Variants in EIF2A observed in about 807,000 individuals in gnomAD.
The protein encoded by EIF2A is eukaryotic translation initiation factor 2A, also known as 65 kDa eukaryotic translation initiation factor 2A.
Under a neutral mutation model 75.2 loss-of-function variants are expected in EIF2A, and 62 were observed. The ratio of observed to expected loss-of-function variants is 0.82; its 90% CI spans 0.67 to 1.02. The LOEUF is 1.02. Ranked by LOEUF, EIF2A falls within the 50% of genes least tolerant of loss-of-function variation. The pLI is 0.00. For synonymous variants in EIF2A, 207 were observed against 239.0 expected, an observed-to-expected ratio of 0.87 and a Z score of 1.23; for missense variants, 611 against 677.7, an observed-to-expected ratio of 0.90 and a Z score of 1.09.
intron 10 of EIF2A, among the ~76,000 whole-genome samples, chr3:150,573,275 CAG>C (rs1323754586): frequency 6.6e-6 from 1 of 152,080 alleles, no homozygotes; most frequent in Non-Finnish European, 1.5e-5. Flanking sequence ...TTTTTTGAGA[CAG>C]AGTCTCACTC....
At chr3:150,563,678 A>G in intron 5 of EIF2A, 64 bp downstream of exon 5, 1 of 1,198,326 alleles carries the variant, frequency 8.3e-7, no homozygotes, top group Non-Finnish European at 1.1e-6. Context: ...ACTGTATAAT[A>G]TTTGTTTTCC....
intron 2 of EIF2A, among the ~76,000 whole-genome samples, chr3:150,555,643 C>T (rs925627629): frequency 2.0e-5 from 3 of 151,106 alleles, no homozygotes; most frequent in Non-Finnish European, 4.4e-5. Context: ...AATCCCAGCG[C>T]TTTGGGAGGC....
intron 9 of EIF2A, among the ~76,000 whole-genome samples, chr3:150,570,892 C>A (rs1724474883): frequency 6.6e-6 from 1 of 151,606 alleles, no homozygotes; most frequent in African/African-American, 2.4e-5. Context: ...CATGGCGAAA[C>A]CCCATCTCTA....
Position 150,585,819 on chromosome 3 carries a change from G to A in EIF2A, c.*1908G>A, listed in dbSNP as rs897128112. ...ATGAGGTGAAGAGGTTGGGGACTTCGTGATGGGATTATTGTCCTTACAAGA... is the reference window on the plus strand; with the variant it reads ...ATGAGGTGAAGAGGTTGGGGACTTCATGATGGGATTATTGTCCTTACAAGA... On this transcript the variant is annotated 3_prime_UTR_variant, in exon 14 of 14. Coordinates refer to ENST00000460851, the MANE Select transcript of EIF2A (RefSeq NM_032025.5). Among the ~76,000 whole-genome samples, 28 of 152,108 alleles carry A rather than the reference G, an allele frequency of 1.8e-4. No homozygotes were observed. The highest frequency in any genetic ancestry group is 5.6e-4 in the African/African-American group (23 of 41,398).
intron 9 of EIF2A, among the ~76,000 whole-genome samples, chr3:150,569,113 C>G (rs56217437): frequency 0.15 from 22,546 of 152,152 alleles, 1,696 homozygotes; most frequent in Non-Finnish European, 0.16. Flanking sequence ...CTCCCCTTTT[C>G]ACTTTATTTT....
intron 12 of EIF2A, 99 bp from the exon 13 acceptor site, chr3:150,583,101 T>C (rs1725282886): frequency 3.2e-6 from 3 of 936,976 alleles, no homozygotes; most frequent in East Asian, 2.7e-5. Flanking sequence ...AAATCTAAGA[T>C]AATTAATCTC....
At chr3:150,569,420 ATTTTTT>A (rs11456857) in intron 9 of EIF2A, among the ~76,000 whole-genome samples, 8 of 150,200 alleles carry the variant, frequency 5.3e-5, no homozygotes, top group Middle Eastern at 3.4e-3. Context: ...ATGCTAACTG[ATTTTTT>A]TTTTTTAACT....
At chr3:150,557,400 A>T (rs1175792153) in intron 2 of EIF2A, among the ~76,000 whole-genome samples, 3 of 151,796 alleles carry the variant, frequency 2.0e-5, no homozygotes, top group African/African-American at 7.3e-5. Context: ...TGTGGGAAAG[A>T]TTTTTTTTAT....
At chr3:150,562,150 TGGTGG>T (rs1294254909) in intron 3 of EIF2A, among the ~76,000 whole-genome samples, 1 of 151,748 alleles carries the variant, frequency 6.6e-6, no homozygotes, top group African/African-American at 2.4e-5. Flanking sequence ...GGGCTGGGCA[TGGTGG>T]CTCACGCCTG....
In EIF2A at chr3:150,568,166, A is replaced by C; in HGVS notation, c.695-10A>C. 1.2e-6 allele frequency: 2 copies of C among 1,607,600 alleles called. No individual in the cohort carries two copies. The highest frequency in any genetic ancestry group is 1.7e-6 in the Non-Finnish European group (2 of 1,178,062). On this transcript the variant is annotated splice_polypyrimidine_tract_variant and intron_variant, in intron 8 of 13. Transcript: ENST00000460851. ...TGTTTTAAATCTAATTAAAGTTTTTACTGTTATAGCTACTGCTGTGTTGGT... is the reference window on the plus strand; with the variant it reads ...TGTTTTAAATCTAATTAAAGTTTTTCCTGTTATAGCTACTGCTGTGTTGGT...
chr3:150,554,938 CT>C (rs35403287), intron 2 of EIF2A, among the ~76,000 whole-genome samples: 47,766 of 150,966 alleles, frequency 0.32, 8,234 homozygotes, highest in East Asian at 0.5. Context: ...TTTATATGCA[CT>C]TTTTTTTTTC....
At chr3:150,576,205 C>G (rs997289631) in intron 11 of EIF2A, among the ~76,000 whole-genome samples, 1 of 152,112 alleles carries the variant, frequency 6.6e-6, no homozygotes, top group African/African-American at 2.4e-5. Context: ...CTTTGGGAGG[C>G]CAACGTGGGA....
chr3:150,582,174 T>C (rs1300891634), intron 12 of EIF2A, among the ~76,000 whole-genome samples: 1 of 148,074 alleles, frequency 6.8e-6, no homozygotes. Context: ...CTAATTTTTA[T>C]ATTTTTAGTA....
chr3:150,552,556 G>A (rs1353878861), intron 2 of EIF2A, 131 bp downstream of exon 2: 29 of 694,958 alleles, frequency 4.2e-5, no homozygotes, highest in East Asian at 3.2e-4. Flanking sequence ...AATATTTACC[G>A]AAGATGAAAA....
At chr3:150,553,352 T>C (rs1002282429) in intron 2 of EIF2A, among the ~76,000 whole-genome samples, 1 of 150,498 alleles carries the variant, frequency 6.6e-6, no homozygotes, top group Non-Finnish European at 1.5e-5. Flanking sequence ...ATTGGGAAAC[T>C]AAAATAAGTG....
chr3:150,570,330 A>G (rs1381878499), intron 9 of EIF2A, among the ~76,000 whole-genome samples: 4 of 152,156 alleles, frequency 2.6e-5, no homozygotes, highest in South Asian at 2.1e-4. Flanking sequence ...AGGAAGGTCA[A>G]ATTTTCTTAA....
chr3:150,558,086 A>G (rs532102485), intron 2 of EIF2A, among the ~76,000 whole-genome samples: 1 of 152,338 alleles, frequency 6.6e-6, no homozygotes, highest in East Asian at 1.9e-4. Flanking sequence ...TTTTTGTTAT[A>G]CTTTCTATCT....
chr3:150,581,771 C>T (rs2107978412), intron 12 of EIF2A, 25 bp downstream of exon 12: 1 of 1,553,886 alleles, frequency 6.4e-7, no homozygotes, highest in East Asian at 2.4e-5. Flanking sequence ...AACAGATGTG[C>T]ATATTGAAAG....
chr3:150,578,176 T>A (rs1041291148), intron 11 of EIF2A, among the ~76,000 whole-genome samples: 12 of 151,852 alleles, frequency 7.9e-5, no homozygotes, highest in African/African-American at 2.7e-4. Flanking sequence ...TAAGCAAAGT[T>A]TCTTCCACTT....
Sources: allele counts gnomAD v4.1 joint callset (sites outside exome capture counted in the v4.1 genomes callset), GRCh38; gene constraint gnomAD v4.1.1; transcripts MANE v1.5; gene names NCBI Gene and HGNC (gene_info 2026-07-23, HGNC 2026-07-21).